Variants in SPATA13 observed in about 807,000 individuals in gnomAD.
SPATA13 encodes spermatogenesis associated 13.
In SPATA13, 50 loss-of-function variants were observed where a neutral mutation model predicts 104.0. That is an observed-to-expected ratio of 0.48 (90% CI 0.38 to 0.61). The LOEUF (loss-of-function observed/expected upper bound fraction) is 0.61. SPATA13 is among the 20% of genes least tolerant of loss of function. The pLI is 0.00. For synonymous variants in SPATA13, 606 were observed against 667.5 expected, an observed-to-expected ratio of 0.91 and a Z score of 1.42; for missense variants, 1,524 against 1,690.6, an observed-to-expected ratio of 0.90 and a Z score of 1.73.
At chr13:24,255,837 G>A (rs111940849) in intron 4 of SPATA13, among the ~76,000 whole-genome samples, 4 of 152,284 alleles carry the variant, frequency 2.6e-5, no homozygotes, top group African/African-American at 9.6e-5. Flanking sequence ...CCCACAAATT[G>A]AGCTCAGCAA....
intron 3 of SPATA13, among the ~76,000 whole-genome samples, chr13:24,027,804 C>T (rs9553144): frequency 4.6e-5 from 7 of 151,956 alleles, no homozygotes; most frequent in East Asian, 1.9e-4. Context: ...AGTATATGCA[C>T]GGATCTTAGA....
chr13:24,073,019 T>C (rs77140749), intron 3 of SPATA13, among the ~76,000 whole-genome samples: 45,050 of 151,592 alleles, frequency 0.3, 6,981 homozygotes, highest in Middle Eastern at 0.35. Context: ...GTAGATCTTG[T>C]CTCTATGAAT....
intron 4 of SPATA13, chr13:24,252,916 G>A (rs890079422): frequency 3.3e-5 from 5 of 152,226 alleles, no homozygotes; most frequent in Non-Finnish European, 7.3e-5. Flanking sequence ...AGGAGCTAGT[G>A]AGGTATCCAG....
At chr13:24,238,132 C>CTTTTTTTTTTTTTT (rs66810619) in intron 2 of SPATA13, among the ~76,000 whole-genome samples, 4 of 77,154 alleles carry the variant, frequency 5.2e-5, no homozygotes, top group South Asian at 4.4e-4. Context: ...TTCTTCTTGA[C>CTTTTTTTTTTTTTT]TTTTTTTTTT....
intron 4 of SPATA13, among the ~76,000 whole-genome samples, chr13:24,268,567 T>C (rs1874399915): frequency 1.3e-5 from 2 of 151,998 alleles, no homozygotes; most frequent in Non-Finnish European, 2.9e-5. Flanking sequence ...GAGACCAGCC[T>C]GACCAACATG....
intron 1 of SPATA13, among the ~76,000 whole-genome samples, chr13:23,983,272 C>A (rs1444185283): frequency 6.6e-6 from 1 of 152,180 alleles, no homozygotes; most frequent in Admixed American, 6.5e-5. Flanking sequence ...TCACAAACAA[C>A]TGCCTTCTTA....
Position 24,290,893 on chromosome 13 carries a change from C to T in SPATA13, c.3080+9C>T. Reference sequence around the variant, plus strand: ...ACCACACAGGAACACGGGTGAGGGGCATGGGTAAGGGGCACAGGTGAGAGC... The same window carrying T: ...ACCACACAGGAACACGGGTGAGGGGTATGGGTAAGGGGCACAGGTGAGAGC... On this transcript the variant is annotated intron_variant, in intron 9 of 12. Transcript: ENST00000382108. 1 of 1,610,104 alleles carries T rather than the reference C, an allele frequency of 6.2e-7. No individual in the cohort carries two copies. The highest frequency in any genetic ancestry group is 8.5e-7 in the Non-Finnish European group (1 of 1,176,950).
intron 1 of SPATA13, among the ~76,000 whole-genome samples, chr13:24,181,884 A>G (rs1228438): frequency 0.91 from 138,709 of 152,004 alleles, 64,187 homozygotes; most frequent in Non-Finnish European, 0.99. Context: ...GGAGGCCAAG[A>G]CGGGTGGATC....
At chr13:24,062,499 C>A (rs1593306596) in intron 3 of SPATA13, among the ~76,000 whole-genome samples, 1 of 152,198 alleles carries the variant, frequency 6.6e-6, no homozygotes. Context: ...CGCTCCAGGG[C>A]TCTGTGAACC....
rs150320416 is a variant in SPATA13 at position 24,277,680 on chromosome 13, C to T, written c.2165-6455C>T. Among the ~76,000 whole-genome samples, 43 of 152,230 alleles carry T rather than the reference C, an allele frequency of 2.8e-4. No individual in the cohort carries two copies. In the East Asian group the frequency reaches 6.0e-3, roughly 21 times the overall value. On this transcript the variant is annotated intron_variant, in intron 4 of 12. Coordinates refer to ENST00000382108, the MANE Select transcript of SPATA13 (RefSeq NM_001166271.3). Reference sequence around the variant, plus strand: ...CCTCAGTTTCCACATCAGCAATTTGCAGTTCAATTGGAAATCACATACTGA... The same window carrying T: ...CCTCAGTTTCCACATCAGCAATTTGTAGTTCAATTGGAAATCACATACTGA...
In SPATA13 at chr13:24,052,800, G is replaced by GC. The variant is rs1223881802; in HGVS notation, c.-112+35102dup. 6.7e-5 allele frequency among the ~76,000 whole-genome samples: 3 copies of GC among 44,678 alleles called. No homozygotes were observed. In the Admixed American group the frequency reaches 8.8e-4, roughly 13 times the overall value. The allele number at this position is 44,678 out of a possible 152,430, so 29.3% of individuals were successfully genotyped here. On this transcript the variant is annotated intron_variant, in intron 3 of 14. Transcript: ENST00000424834. ...GCGGGAGGCAGCCAGCAGCTCAGGG[G>GC]CCCGTGCAGCACTTCCCCCTGCCGC... is the stretch of plus-strand genomic sequence containing the variant.
intron 1 of SPATA13, among the ~76,000 whole-genome samples, chr13:24,202,066 CTGTCTAAATAAATAAATAAATAAA>C (rs1870438045): frequency 6.7e-6 from 1 of 149,428 alleles, no homozygotes; most frequent in Non-Finnish European, 1.5e-5. Context: ...GAGCAAGACT[CTGTCTAAATAAATAAATAAATAAA>C]TAAATAAATA....
At chr13:24,076,840 C>A (rs1879344941) in intron 3 of SPATA13, among the ~76,000 whole-genome samples, 1 of 151,908 alleles carries the variant, frequency 6.6e-6, no homozygotes, top group Admixed American at 6.6e-5. Context: ...CAGCAAGGTC[C>A]TCTTACATGC....
intron 3 of SPATA13, among the ~76,000 whole-genome samples, chr13:24,052,194 G>A (rs1263216908): frequency 6.6e-6 from 1 of 152,162 alleles, no homozygotes; most frequent in Non-Finnish European, 1.5e-5. Context: ...GGCACAATTT[G>A]AGCTCCAAGT....
intron 5 of SPATA13, among the ~76,000 whole-genome samples, chr13:24,284,851 A>G (rs1875810726): frequency 6.6e-6 from 1 of 152,158 alleles, no homozygotes; most frequent in African/African-American, 2.4e-5. Flanking sequence ...AATTCTCACA[A>G]CTGATCTAAG....
intron 2 of SPATA13, among the ~76,000 whole-genome samples, chr13:23,984,724 C>T (rs1366620799): frequency 1.3e-5 from 2 of 152,182 alleles, no homozygotes; most frequent in Admixed American, 6.5e-5. Flanking sequence ...AGCAGCTTTC[C>T]TTGATCGGTG....
intron 1 of SPATA13, among the ~76,000 whole-genome samples, chr13:24,184,643 C>T (rs1469169761): frequency 6.6e-6 from 1 of 152,112 alleles, no homozygotes; most frequent in African/African-American, 2.4e-5. Context: ...TCACTAATCA[C>T]AGTGAGGAGT....
rs74627047 is a variant in SPATA13, at chr13:24,006,571, A to T, written c.-146-11096A>T. Among the ~76,000 whole-genome samples the T allele has an allele frequency of 8.6e-3, 1,307 of 152,322 alleles. 19 individuals carry two copies. The highest frequency in any genetic ancestry group is 0.069 in the East Asian group (358 of 5,178). ...ATAGAGGCCAGGCCAGGCCGGCCCA[A>T]GTACTAATTCATCACAGTTGCAGGT... is the stretch of plus-strand genomic sequence containing the variant. On this transcript the variant is annotated intron_variant, in intron 2 of 14. Coordinates refer to the SPATA13 transcript ENST00000424834.
At chr13:24,062,253 T>C (rs759106325) in intron 3 of SPATA13, among the ~76,000 whole-genome samples, 9 of 152,272 alleles carry the variant, frequency 5.9e-5, no homozygotes, top group Non-Finnish European at 1.0e-4. Flanking sequence ...CCATGTTAAC[T>C]TCTCATGGTT....
Sources: allele counts gnomAD v4.1 joint callset (sites outside exome capture counted in the v4.1 genomes callset), GRCh38; gene constraint gnomAD v4.1.1; transcripts MANE v1.5; gene names NCBI Gene and HGNC (gene_info 2026-07-23, HGNC 2026-07-21).